The following CACNA2D1 variants were observed in gnomAD, a reference collection of about 807,000 sequenced individuals.
The protein encoded by CACNA2D1 is voltage-dependent calcium channel subunit alpha-2/delta-1.
A neutral mutation model predicts 171.5 loss-of-function variants in CACNA2D1; 53 were observed. The observed-to-expected ratio is 0.31, with a 90% CI of 0.25 to 0.39. The LOEUF (loss-of-function observed/expected upper bound fraction) is 0.39. Among genes scored for constraint, CACNA2D1 ranks in the 10% least tolerant of loss-of-function variants. The pLI is 1.00. For synonymous variants in CACNA2D1, 442 were observed against 443.1 expected (o/e 1.00, Z 0.03); for missense variants, 903 against 1,299.8 (o/e 0.69, Z 4.69).
intron 1 of CACNA2D1, among the ~76,000 whole-genome samples, chr7:82,384,352 G>C (rs1563467002): frequency 6.6e-6 from 1 of 152,148 alleles, no homozygotes; most frequent in Non-Finnish European, 1.5e-5. Flanking sequence ...TAAGAAGAGA[G>C]AGAGAAAGAC....
chr7:82,123,930 TCATA>T (rs200979653), intron 5 of CACNA2D1, among the ~76,000 whole-genome samples: 1,629 of 152,192 alleles, frequency 0.011, 17 homozygotes, highest in Non-Finnish European at 0.017. Context: ...TAAGCATATA[TCATA>T]CAATCAGTAT....
At position 82,274,706 on chromosome 7, in the gene CACNA2D1, T is replaced by G. The variant is rs535105620; in HGVS notation, c.294+60429A>C. Among the ~76,000 whole-genome samples the G allele has an allele frequency of 8.5e-5, 13 of 152,302 alleles. No individual in the cohort carries two copies. The East Asian group carries it at 2.5e-3, about 29-fold the overall frequency. On this transcript the variant is annotated intron_variant, in intron 3 of 38. Coordinates refer to ENST00000356860, the MANE Select transcript of CACNA2D1 (RefSeq NM_000722.4). ...ATTGAATAATGTACAGGGGCTCATATGAATACAATACACTTCCACACTCAA... is the reference window on the plus strand; with the variant it reads ...ATTGAATAATGTACAGGGGCTCATAGGAATACAATACACTTCCACACTCAA...
intron 1 of CACNA2D1, among the ~76,000 whole-genome samples, chr7:82,428,098 AAAAATAAAT>A (rs1829347431): frequency 7.6e-6 from 1 of 131,174 alleles, no homozygotes; most frequent in Admixed American, 7.0e-5. Context: ...TAAAAAAATA[AAAAATAAAT>A]AAAAAAAAAA....
chr7:82,256,874 T>C (rs1254935455), intron 3 of CACNA2D1, among the ~76,000 whole-genome samples: 2 of 152,218 alleles, frequency 1.3e-5, no homozygotes, highest in African/African-American at 4.8e-5. Context: ...TTTTGACTTA[T>C]TAATACTTGG....
chr7:82,028,608 C>G (rs1200419939), intron 12 of CACNA2D1: 1 of 151,796 alleles, frequency 6.6e-6, no homozygotes, highest in African/African-American at 2.4e-5. Context: ...TATACCATTA[C>G]AAACATTCGT....
At chr7:81,969,854 A>G in intron 28 of CACNA2D1, 27 bp downstream of exon 28, 5 of 1,320,016 alleles carry the variant, frequency 3.8e-6, no homozygotes, top group Non-Finnish European at 5.5e-6. Flanking sequence ...AAAATTGAGA[A>G]AAGCTGAATT....
intron 3 of CACNA2D1, among the ~76,000 whole-genome samples, chr7:82,228,388 C>T (rs1802572236): frequency 6.6e-6 from 1 of 151,964 alleles, no homozygotes; most frequent in South Asian, 2.1e-4. Flanking sequence ...CAATTCCTGA[C>T]CTATGGAAAC....
At chr7:82,109,592 A>C (rs1209444141) in intron 6 of CACNA2D1, among the ~76,000 whole-genome samples, 1 of 151,374 alleles carries the variant, frequency 6.6e-6, no homozygotes. Context: ...GGTAACAATG[A>C]AACTATCAAA....
chr7:82,140,726 C>T (rs1410323757), intron 4 of CACNA2D1, among the ~76,000 whole-genome samples: 1 of 151,986 alleles, frequency 6.6e-6, no homozygotes, highest in Admixed American at 6.6e-5. Flanking sequence ...GAGGCCGAGG[C>T]GGGTGGATCA....
intron 3 of CACNA2D1, among the ~76,000 whole-genome samples, chr7:82,181,148 G>A (rs1407861718): frequency 7.2e-6 from 1 of 137,934 alleles, no homozygotes; most frequent in Non-Finnish European, 1.5e-5. Flanking sequence ...TTTTAACCAG[G>A]CCGAAAGTAA....
intron 9 of CACNA2D1, among the ~76,000 whole-genome samples, chr7:82,061,822 G>A (rs1472532464): frequency 6.6e-6 from 1 of 152,164 alleles, no homozygotes; most frequent in Non-Finnish European, 1.5e-5. Context: ...TGTGGAAAAT[G>A]GCCCTCTTGT....
At chr7:82,216,828 A>G (rs1801150130) in intron 3 of CACNA2D1, among the ~76,000 whole-genome samples, 1 of 151,420 alleles carries the variant, frequency 6.6e-6, no homozygotes, top group Admixed American at 6.6e-5. Flanking sequence ...AAGTAAATAT[A>G]TCTGTCAAAA....
intron 3 of CACNA2D1, among the ~76,000 whole-genome samples, chr7:82,218,164 G>A (rs1220778731): frequency 2.6e-5 from 4 of 152,018 alleles, no homozygotes; most frequent in Non-Finnish European, 4.4e-5. Flanking sequence ...TCGATCTCCT[G>A]ACCTCGTGAT....
chr7:82,242,318 G>C (rs1045588987), intron 3 of CACNA2D1, among the ~76,000 whole-genome samples: 2 of 152,004 alleles, frequency 1.3e-5, no homozygotes, highest in African/African-American at 4.8e-5. Context: ...GCCTATCTGA[G>C]ACATATTCAG....
rs146567765 is a variant in CACNA2D1, at chr7:82,148,944, C to G, written c.355-12268G>C. Among the ~76,000 whole-genome samples the G allele has an allele frequency of 1.1e-3, 173 of 152,256 alleles. 1 individual carries two copies. The highest frequency in any genetic ancestry group is 4.0e-3 in the African/African-American group (165 of 41,570). The stretch of plus-strand genomic sequence containing the variant: ...GAGCCACTACACCCGGCTGGACACC[C>G]TTCTTAATGCCTCTCATAGAATCTT... On this transcript the variant is annotated intron_variant, in intron 4 of 38. Coordinates refer to ENST00000356860, the MANE Select transcript of CACNA2D1 (RefSeq NM_000722.4).
intron 6 of CACNA2D1, among the ~76,000 whole-genome samples, chr7:82,099,418 CCTT>C (rs756929809): frequency 0.069 from 4,435 of 63,982 alleles, 504 homozygotes; most frequent in Non-Finnish European, 0.11. Context: ...GGTAGCAATA[CCTT>C]CTTTTTTTTT....
chr7:82,196,606 G>C (rs979090683), intron 3 of CACNA2D1, among the ~76,000 whole-genome samples: 1 of 152,034 alleles, frequency 6.6e-6, no homozygotes, highest in African/African-American at 2.4e-5. Context: ...GTTTGCCTTA[G>C]AGGAAGCACA....
chr7:82,322,222 G>C (rs543063954), intron 3 of CACNA2D1, among the ~76,000 whole-genome samples: 1 of 143,996 alleles, frequency 6.9e-6, no homozygotes, highest in East Asian at 2.1e-4. Flanking sequence ...TTTGAGAAAA[G>C]AACTGCCAAC....
At chr7:82,216,226 A>C (rs1257715014) in intron 3 of CACNA2D1, among the ~76,000 whole-genome samples, 1 of 152,184 alleles carries the variant, frequency 6.6e-6, no homozygotes, top group Non-Finnish European at 1.5e-5. Context: ...TTCAGCATCA[A>C]TTTGAGAAGT....
Sources: gnomAD v4.1 joint callset for allele counts (sites outside exome capture counted in the v4.1 genomes callset) on GRCh38, gnomAD v4.1.1 for gene constraint, MANE v1.5 for transcripts, NCBI Gene and HGNC (gene_info 2026-07-23, HGNC 2026-07-21) for gene names.